Variants in TRIM9 observed in about 807,000 individuals in gnomAD.
The protein encoded by TRIM9 is E3 ubiquitin-protein ligase TRIM9.
In TRIM9, 26 loss-of-function variants were observed where a neutral mutation model predicts 78.3. The ratio of observed to expected loss-of-function variants is 0.33; its 90% CI spans 0.24 to 0.46. The LOEUF is 0.46. TRIM9 is among the 20% of genes least tolerant of loss of function. The pLI is 1.00. For missense variants in TRIM9, 787 were observed against 1,036.4 expected (o/e 0.76, Z 3.30); for synonymous variants, 398 against 416.5 (o/e 0.96, Z 0.54).
intron 3 of TRIM9, among the ~76,000 whole-genome samples, chr14:51,019,589 G>A (rs995455089): frequency 2.0e-5 from 3 of 152,154 alleles, no homozygotes; most frequent in Non-Finnish European, 4.4e-5. Context: ...TCTAGGCTAT[G>A]AATTATGGTA....
chr14:51,081,180 G>A (rs2140306582), intron 1 of TRIM9, among the ~76,000 whole-genome samples: 1 of 152,230 alleles, frequency 6.6e-6, no homozygotes, highest in East Asian at 1.9e-4. Context: ...AATTAAATGA[G>A]AGCAAAGACT....
In TRIM9 at chr14:50,982,933, A is replaced by G. The variant is rs1372496259; in HGVS notation, c.1858+9T>C. 2.6e-6 allele frequency: 4 copies of G among 1,548,052 alleles called. No homozygotes were observed. The highest frequency in any genetic ancestry group is 2.6e-6 in the Non-Finnish European group (3 of 1,144,918). ...TGCTATTTGGTAACAGAATAAGGTT[A>G]TTCCATACCTGCCAACAGCTTTTTA... is the stretch of plus-strand genomic sequence containing the variant. On this transcript the variant is annotated intron_variant, in intron 10 of 12. Transcript: ENST00000684578.
intron 8 of TRIM9, among the ~76,000 whole-genome samples, chr14:50,985,297 G>A (rs1004230564): frequency 6.6e-6 from 1 of 152,168 alleles, no homozygotes; most frequent in African/African-American, 2.4e-5. Flanking sequence ...TAGGCATTAG[G>A]AGTTAAGGGT....
Position 51,094,114 on chromosome 14 carries a change from T to A in TRIM9, c.822+4A>T. ...AGTTAGGAGTGGGTTTTCTTAGGAC[T>A]CACCTTATGTAGTTTCCACATGGCC... is the stretch of plus-strand genomic sequence containing the variant. On this transcript the variant is annotated splice_donor_region_variant and intron_variant, in intron 1 of 12. Coordinates refer to ENST00000684578, the MANE Select transcript of TRIM9 (RefSeq NM_001387360.1). 6.2e-7 allele frequency: 1 copy of A among 1,606,098 alleles called. No individual in the cohort carries two copies. Among genetic ancestry groups the A allele is most frequent in the Non-Finnish European group, 8.5e-7 (1 of 1,173,786 alleles).
intron 1 of TRIM9, 65 bp downstream of exon 1, chr14:51,094,053 C>T (rs988859822): frequency 2.0e-6 from 3 of 1,505,114 alleles, no homozygotes; most frequent in South Asian, 1.2e-5. Context: ...AGACGGGGAC[C>T]GTCTGCTGCA....
intron 1 of TRIM9, among the ~76,000 whole-genome samples, chr14:51,088,571 G>A (rs976473632): frequency 1.9e-4 from 29 of 151,856 alleles, no homozygotes; most frequent in African/African-American, 6.5e-4. Flanking sequence ...GCAGAAGTTC[G>A]ATTTCAGGAC....
At position 51,015,505 on chromosome 14, in the gene TRIM9, C is replaced by CTTTTTT. The variant is rs369652663; in HGVS notation, c.1042-5017_1042-5012dup. Among the ~76,000 whole-genome samples the CTTTTTT allele has an allele frequency of 6.8e-3, 417 of 61,348 alleles. 17 individuals carry two copies. The highest frequency in any genetic ancestry group is 9.6e-3 in the Admixed American group (43 of 4,476). The allele number at this position is 61,348 out of a possible 152,430, so 40.2% of individuals were successfully genotyped here. On this transcript the variant is annotated intron_variant, in intron 3 of 12. Coordinates refer to ENST00000684578, the MANE Select transcript of TRIM9 (RefSeq NM_001387360.1). ...AATGCTTTTTTCTTTCTTTACTTTT[C>CTTTTTT]TTTTTTTTTTTTTTTTTTTTTTTTT...
At chr14:51,062,882 T>C (rs2061455818) in intron 1 of TRIM9, among the ~76,000 whole-genome samples, 1 of 152,194 alleles carries the variant, frequency 6.6e-6, no homozygotes, top group Non-Finnish European at 1.5e-5. Flanking sequence ...CCTATCAGTA[T>C]GAATTACTTT....
At chr14:51,073,066 T>A (rs943326289) in intron 1 of TRIM9, among the ~76,000 whole-genome samples, 1 of 152,124 alleles carries the variant, frequency 6.6e-6, no homozygotes, top group African/African-American at 2.4e-5. Flanking sequence ...GATATTCAAA[T>A]GACCAGAAAA....
intron 1 of TRIM9, among the ~76,000 whole-genome samples, chr14:51,082,962 T>C (rs990451122): frequency 1.3e-5 from 2 of 152,140 alleles, no homozygotes; most frequent in African/African-American, 2.4e-5. Flanking sequence ...AACTGTGACT[T>C]TGGGTTTCTT....
At chr14:51,084,071 T>C (rs767934219) in intron 1 of TRIM9, among the ~76,000 whole-genome samples, 2 of 152,218 alleles carry the variant, frequency 1.3e-5, no homozygotes, top group Non-Finnish European at 2.9e-5. Flanking sequence ...TTTAAAAATA[T>C]ATGGGAAATA....
chr14:51,087,032 G>A (rs1392786747), intron 1 of TRIM9, among the ~76,000 whole-genome samples: 1 of 152,050 alleles, frequency 6.6e-6, no homozygotes, highest in African/African-American at 2.4e-5. Flanking sequence ...GGGAGGTGGC[G>A]GGCACTGCTG....
At chr14:51,073,510 A>G (rs1166331239) in intron 1 of TRIM9, among the ~76,000 whole-genome samples, 1 of 152,224 alleles carries the variant, frequency 6.6e-6, no homozygotes, top group East Asian at 1.9e-4. Flanking sequence ...GTGGATCCAA[A>G]AAACATATCT....
At chr14:51,086,918 T>G (rs1049158096) in intron 1 of TRIM9, among the ~76,000 whole-genome samples, 13 of 152,214 alleles carry the variant, frequency 8.5e-5, no homozygotes, top group Non-Finnish European at 1.2e-4. Context: ...AAAAAAAGTT[T>G]TCTTGCTTTT....
At chr14:50,978,813 G>T in intron 12 of TRIM9, 1 of 775,132 alleles carries the variant, frequency 1.3e-6, no homozygotes, top group Non-Finnish European at 1.6e-6. Flanking sequence ...ACTGTGCCTG[G>T]CACATTAAAG....
At chr14:51,026,159 T>C (rs1345435497) in intron 1 of TRIM9, among the ~76,000 whole-genome samples, 4 of 152,184 alleles carry the variant, frequency 2.6e-5, no homozygotes, top group Admixed American at 2.6e-4. Context: ...AGAAAGCTTT[T>C]GCTTTTCTGC....
At chr14:51,093,098 T>A (rs1480450265) in intron 1 of TRIM9, among the ~76,000 whole-genome samples, 1 of 151,832 alleles carries the variant, frequency 6.6e-6, no homozygotes, top group East Asian at 1.9e-4. Flanking sequence ...TGGGAGGCAA[T>A]GAGGTCGAAG....
At chr14:51,022,453 T>C (rs1162560509) in intron 3 of TRIM9, among the ~76,000 whole-genome samples, 2 of 152,150 alleles carry the variant, frequency 1.3e-5, no homozygotes, top group African/African-American at 4.8e-5. Flanking sequence ...TAAATATAAT[T>C]CTATTATTTA....
chr14:51,077,546 A>G (rs1448739174), intron 1 of TRIM9, among the ~76,000 whole-genome samples: 2 of 151,928 alleles, frequency 1.3e-5, no homozygotes, highest in Non-Finnish European at 2.9e-5. Context: ...GGCCCACACC[A>G]CCATGCCTGG....
Sources: gnomAD v4.1 joint callset for allele counts (sites outside exome capture counted in the v4.1 genomes callset) on GRCh38, gnomAD v4.1.1 for gene constraint, MANE v1.5 for transcripts, NCBI Gene and HGNC (gene_info 2026-07-23, HGNC 2026-07-21) for gene names.